The following PKN2 variants were observed in gnomAD, a reference collection of about 807,000 sequenced individuals.
PKN2 encodes the protein protein kinase N2, also known as serine/threonine-protein kinase N2.
In PKN2, 38 loss-of-function variants were observed where a neutral mutation model predicts 119.1. The ratio of observed to expected loss-of-function variants is 0.32; its 90% CI spans 0.25 to 0.42. The LOEUF is 0.42. Ranked by LOEUF, PKN2 falls within the 10% of genes least tolerant of loss-of-function variation. The pLI is 1.00. For synonymous variants in PKN2, 390 were observed against 384.9 expected, an observed-to-expected ratio of 1.01 and a Z score of -0.15; for missense variants, 850 against 1,165.1, an observed-to-expected ratio of 0.73 and a Z score of 3.94.
intron 16 of PKN2, among the ~76,000 whole-genome samples, chr1:88,818,641 C>G (rs1270603138): frequency 2.1e-5 from 3 of 145,040 alleles, no homozygotes; most frequent in Non-Finnish European, 4.5e-5. Flanking sequence ...GAGTGAGACT[C>G]CTTCTCAAAA....
chr1:88,776,506 G>A (rs946745254), intron 6 of PKN2, among the ~76,000 whole-genome samples: 11 of 151,978 alleles, frequency 7.2e-5, no homozygotes, highest in Non-Finnish European at 1.5e-4. Flanking sequence ...TAAGGAGGCC[G>A]AGACGGGTGG....
intron 3 of PKN2, among the ~76,000 whole-genome samples, chr1:88,769,078 G>A (rs1669780991): frequency 1.3e-5 from 2 of 152,174 alleles, no homozygotes; most frequent in South Asian, 4.1e-4. Context: ...ATCTGTCCCC[G>A]TGACCTAAAT....
At chr1:88,779,872 T>C (rs1035958565) in intron 6 of PKN2, among the ~76,000 whole-genome samples, 2 of 152,234 alleles carry the variant, frequency 1.3e-5, no homozygotes, top group African/African-American at 4.8e-5. Flanking sequence ...AGTGCTTAAA[T>C]CTGAGGCAAC....
chr1:88,738,601 G>C (rs1321691750), intron 1 of PKN2, among the ~76,000 whole-genome samples: 5 of 152,172 alleles, frequency 3.3e-5, no homozygotes, highest in African/African-American at 9.6e-5. Flanking sequence ...GAAAGTGTTA[G>C]GTATTTCTTC....
intron 9 of PKN2, 63 bp downstream of exon 9, chr1:88,804,597 A>G: frequency 6.8e-7 from 1 of 1,467,992 alleles, no homozygotes; most frequent in African/African-American, 1.4e-5. Context: ...TAGGCAGCAT[A>G]ATATAGAAGT....
intron 12 of PKN2, among the ~76,000 whole-genome samples, chr1:88,806,668 C>T (rs933046752): frequency 6.6e-6 from 1 of 152,136 alleles, no homozygotes; most frequent in Non-Finnish European, 1.5e-5. Flanking sequence ...AAATACTATT[C>T]TTCTTCTAAC....
At chr1:88,793,795 T>C (rs1670942829) in intron 8 of PKN2, among the ~76,000 whole-genome samples, 1 of 152,302 alleles carries the variant, frequency 6.6e-6, no homozygotes, top group South Asian at 2.1e-4. Context: ...ATGTAAATGC[T>C]ATATAAATTA....
intron 2 of PKN2, 121 bp from the exon 3 acceptor site, chr1:88,760,100 AG>A: frequency 1.7e-6 from 1 of 591,378 alleles, no homozygotes; most frequent in Non-Finnish European, 3.0e-6. Context: ...TATAAGTATA[AG>A]GAGATTTCAT....
chr1:88,821,322 G>A (rs1183348740), intron 16 of PKN2, among the ~76,000 whole-genome samples: 1 of 151,876 alleles, frequency 6.6e-6, no homozygotes, highest in Non-Finnish European at 1.5e-5. Flanking sequence ...TTTTTCCTCT[G>A]GATCTCTACC....
At chr1:88,819,891 GCAAA>G (rs200937796) in intron 16 of PKN2, among the ~76,000 whole-genome samples, 1,985 of 151,858 alleles carry the variant, frequency 0.013, 18 homozygotes, top group Non-Finnish European at 0.02. Context: ...ATCATTCTTA[GCAAA>G]CAAACACAGA....
At chr1:88,757,818 G>T (rs992971237) in intron 2 of PKN2, among the ~76,000 whole-genome samples, 1 of 151,870 alleles carries the variant, frequency 6.6e-6, no homozygotes, top group Non-Finnish European at 1.5e-5. Flanking sequence ...TGAGGTAGGT[G>T]GATCATGAGG....
At chr1:88,790,364 G>A (rs780712552) in intron 8 of PKN2, among the ~76,000 whole-genome samples, 2 of 152,156 alleles carry the variant, frequency 1.3e-5, no homozygotes, top group African/African-American at 2.4e-5. Flanking sequence ...CATACTTGGA[G>A]TATAGAATTC....
intron 9 of PKN2, 122 bp downstream of exon 9, chr1:88,804,656 C>CTT: frequency 1.0e-6 from 1 of 958,444 alleles, no homozygotes; most frequent in Non-Finnish European, 1.6e-6. Flanking sequence ...CTTGGCTGAG[C>CTT]TATGCCACTG....
chr1:88,736,452 C>G (rs1342146117), intron 1 of PKN2, among the ~76,000 whole-genome samples: 2 of 152,010 alleles, frequency 1.3e-5, no homozygotes, highest in African/African-American at 4.8e-5. Flanking sequence ...CAGCCTCTGC[C>G]TCTCAGGTTC....
rs150042089 is a variant in PKN2, at chr1:88,829,125, T to C, written c.2562+502T>C. On this transcript the variant is annotated intron_variant, in intron 19 of 21. Coordinates refer to ENST00000370521, the MANE Select transcript of PKN2 (RefSeq NM_006256.4). ...AAATGGATGGAGAGAGGAGAAAACCTATGGTAGCTGTGAAGGCCCTGATGC... is the reference window on the plus strand; with the variant it reads ...AAATGGATGGAGAGAGGAGAAAACCCATGGTAGCTGTGAAGGCCCTGATGC... The C allele has an allele frequency of 2.5e-3, 1,871 of 733,852 alleles. 4 individuals carry two copies. Among genetic ancestry groups the C allele is most frequent in the Non-Finnish European group, 2.4e-3 (912 of 387,582 alleles). The allele number at this position is 733,852 out of a possible 1,614,324, so 45.5% of individuals were successfully genotyped here.
At chr1:88,710,828 A>G (rs189751863) in intron 1 of PKN2, among the ~76,000 whole-genome samples, 85 of 152,304 alleles carry the variant, frequency 5.6e-4, no homozygotes, top group African/African-American at 1.9e-3. Context: ...AAATCATTCT[A>G]TTATAAAGAC....
At chr1:88,760,122 C>A in intron 2 of PKN2, 100 bp from the exon 3 acceptor site, 2 of 643,378 alleles carry the variant, frequency 3.1e-6, no homozygotes, top group African/African-American at 2.0e-5. Context: ...TTAGGCTCAT[C>A]TCAAAGTTTG....
At chr1:88,741,577 T>C (rs1224373979) in intron 2 of PKN2, among the ~76,000 whole-genome samples, 2 of 152,118 alleles carry the variant, frequency 1.3e-5, no homozygotes, top group South Asian at 4.1e-4. Context: ...TGTTTTGTAT[T>C]GAGTCAATCA....
chr1:88,749,379 C>T (rs997679738), intron 2 of PKN2, among the ~76,000 whole-genome samples: 21 of 142,166 alleles, frequency 1.5e-4, no homozygotes, highest in African/African-American at 5.5e-4. Context: ...CACTCCAGCC[C>T]GGCGACAGTG....
Sources: gnomAD v4.1 joint callset for allele counts (sites outside exome capture counted in the v4.1 genomes callset) on GRCh38, gnomAD v4.1.1 for gene constraint, MANE v1.5 for transcripts, NCBI Gene and HGNC (gene_info 2026-07-23, HGNC 2026-07-21) for gene names.